The following BAZ2B variants were observed in gnomAD, a reference collection of about 807,000 sequenced individuals.
The protein encoded by BAZ2B is bromodomain adjacent to zinc finger domain protein 2B.
A neutral mutation model predicts 246.0 loss-of-function variants in BAZ2B; 91 were observed. The observed-to-expected ratio is 0.37, with a 90% confidence interval of 0.31 to 0.44. The LOEUF (loss-of-function observed/expected upper bound fraction) is 0.44, where lower values mean the gene tolerates loss of function less well. Among genes scored for constraint, BAZ2B ranks in the 20% least tolerant of loss-of-function variants. The pLI, the probability that BAZ2B is intolerant of heterozygous loss-of-function variation, is 1.00. For synonymous variants in BAZ2B, 855 were observed against 860.0 expected, an observed-to-expected ratio of 0.99 and a Z score of 0.10; for missense variants, 2,332 against 2,533.7, an observed-to-expected ratio of 0.92 and a Z score of 1.71.
At chr2:159,584,282 G>A (rs1022011314) in intron 1 of BAZ2B, among the ~76,000 whole-genome samples, 4 of 151,912 alleles carry the variant, frequency 2.6e-5, no homozygotes, top group Non-Finnish European at 4.4e-5. Flanking sequence ...CCACCACACC[G>A]GGCTAATTTT....
At position 159,404,926 on chromosome 2, in the gene BAZ2B, G is replaced by T; in HGVS notation, c.2771-16C>A. 6.2e-7 allele frequency: 1 copy of T among 1,613,166 alleles called. No homozygotes were observed. Among genetic ancestry groups the T allele is most frequent in the Non-Finnish European group, 8.5e-7 (1 of 1,179,702 alleles). On this transcript the variant is annotated splice_polypyrimidine_tract_variant and intron_variant, in intron 15 of 36. Coordinates refer to ENST00000392783, the MANE Select transcript of BAZ2B (RefSeq NM_013450.4). ...GCCATTATTGCTACAAGAAACCAAA[G>T]GATAGATATCATCAAAAAGGGAATG...
At chr2:159,540,132 C>T (rs1316597159) in intron 2 of BAZ2B, among the ~76,000 whole-genome samples, 2 of 152,182 alleles carry the variant, frequency 1.3e-5, no homozygotes, top group Non-Finnish European at 2.9e-5. Flanking sequence ...ATCTTATTGA[C>T]CACAGTAACC....
chr2:159,648,441 C>T, the BAZ2B span, among the ~76,000 whole-genome samples: 1 of 152,100 alleles, frequency 6.6e-6, no homozygotes, highest in South Asian at 2.1e-4. Flanking sequence ...TTCAGCCCCT[C>T]TTGCTCCTTT....
At chr2:159,583,653 GA>G (rs962245805) in intron 1 of BAZ2B, among the ~76,000 whole-genome samples, 1 of 150,520 alleles carries the variant, frequency 6.6e-6, no homozygotes, top group African/African-American at 2.4e-5. Flanking sequence ...TGAACAAAAA[GA>G]AAAAAAAATT....
chr2:159,621,603 C>G, the BAZ2B span, among the ~76,000 whole-genome samples: 3 of 152,008 alleles, frequency 2.0e-5, no homozygotes, highest in African/African-American at 7.3e-5. Context: ...AGAAATTGAC[C>G]CAAGTACATA....
At chr2:159,514,736 T>C (rs952565645) in intron 2 of BAZ2B, among the ~76,000 whole-genome samples, 2 of 152,176 alleles carry the variant, frequency 1.3e-5, no homozygotes, top group African/African-American at 4.8e-5. Context: ...GAAGTAATAA[T>C]GGTACCTCCA....
chr2:159,448,568 T>C (rs1293749481), intron 4 of BAZ2B, among the ~76,000 whole-genome samples, 159 bp from the exon 5 acceptor site: 1 of 152,212 alleles, frequency 6.6e-6, no homozygotes, highest in East Asian at 1.9e-4. Context: ...TTCTAAACAG[T>C]AGAACTTGTA....
chr2:159,710,321 G>A, the BAZ2B span, among the ~76,000 whole-genome samples: 2 of 150,462 alleles, frequency 1.3e-5, no homozygotes, highest in South Asian at 4.2e-4. Flanking sequence ...TGATTCTTCT[G>A]CCTCAGCCTC....
chr2:159,373,461 A>G (rs1381044399), intron 26 of BAZ2B, among the ~76,000 whole-genome samples: 2 of 152,244 alleles, frequency 1.3e-5, no homozygotes, highest in African/African-American at 4.8e-5. Context: ...ATAATAAACA[A>G]TGGGATCAAG....
At chr2:159,333,406 T>C (rs950961548) in intron 33 of BAZ2B, among the ~76,000 whole-genome samples, 1 of 152,154 alleles carries the variant, frequency 6.6e-6, no homozygotes, top group African/African-American at 2.4e-5. Flanking sequence ...CTGAAAATTT[T>C]CTAATATAAT....
intron 21 of BAZ2B, among the ~76,000 whole-genome samples, chr2:159,388,751 C>T (rs780791054): frequency 1.3e-5 from 2 of 151,990 alleles, no homozygotes; most frequent in African/African-American, 2.4e-5. Flanking sequence ...GATTATAAAT[C>T]CTCATTTATT....
At chr2:159,709,580 T>C in the BAZ2B span, among the ~76,000 whole-genome samples, 5 of 152,290 alleles carry the variant, frequency 3.3e-5, no homozygotes, top group East Asian at 9.6e-4. Flanking sequence ...TATATACAAA[T>C]ATTATGTATC....
intron 1 of BAZ2B, among the ~76,000 whole-genome samples, chr2:159,572,869 C>T (rs1684366918): frequency 6.6e-6 from 1 of 152,136 alleles, no homozygotes; most frequent in Admixed American, 6.5e-5. Flanking sequence ...AATGTACCTG[C>T]CTCTCTCTTA....
Position 159,448,370 on chromosome 2 carries a change from G to T in BAZ2B, c.374C>A (p.Thr125Lys), listed in dbSNP as rs755550639. 1.7e-5 allele frequency: 27 copies of T among 1,608,688 alleles called. No homozygotes were observed. The highest frequency in any genetic ancestry group is 2.3e-5 in the Non-Finnish European group (27 of 1,178,646). Residue 125 changes from threonine to lysine, a missense_variant, in exon 5 of 37, where the codon ACA becomes AAA. By Grantham distance (78) the Thr-to-Lys change is moderately conservative (BLOSUM62 -1). Transcript: ENST00000392783. Reference protein sequence around the residue: ...WWRTTDAHTRTGATFFPPLLG... With the variant: ...WWRTTDAHTRKGATFFPPLLG... ...TAATGGTGGAAAGAAGGTTGCTCCT[G>T]TACGAGTATGAGCATCAGTTGTTCG... is the stretch of plus-strand genomic sequence containing the variant.
chr2:159,335,876 G>A (rs1318204442), intron 33 of BAZ2B, among the ~76,000 whole-genome samples: 1 of 152,058 alleles, frequency 6.6e-6, no homozygotes, highest in Non-Finnish European at 1.5e-5. Flanking sequence ...CAAAGTAAAT[G>A]GTAGCCAGGC....
chr2:159,325,501 A>G, intron 35 of BAZ2B, 152 bp downstream of exon 35: 1 of 813,988 alleles, frequency 1.2e-6, no homozygotes, highest in Non-Finnish European at 1.8e-6. Context: ...TACATTTACT[A>G]TACTTTTACT....
chr2:159,501,418 C>T (rs1245482967), intron 2 of BAZ2B, among the ~76,000 whole-genome samples: 2 of 147,616 alleles, frequency 1.4e-5, no homozygotes, highest in Non-Finnish European at 3.0e-5. Context: ...TACACATACA[C>T]ACACACTGTG....
At chr2:159,456,943 CTA>C (rs2075847911) in intron 3 of BAZ2B, among the ~76,000 whole-genome samples, 1 of 152,232 alleles carries the variant, frequency 6.6e-6, no homozygotes, top group East Asian at 1.9e-4. Flanking sequence ...CACAATTTTA[CTA>C]TATTTTGCCT....
At chr2:159,535,750 T>G (rs139157633) in intron 2 of BAZ2B, among the ~76,000 whole-genome samples, 1 of 152,178 alleles carries the variant, frequency 6.6e-6, no homozygotes, top group African/African-American at 2.4e-5. Flanking sequence ...ATTAATATTC[T>G]CTCTTCATTA....
Sources: allele counts gnomAD v4.1 joint callset (sites outside exome capture counted in the v4.1 genomes callset), GRCh38; gene constraint gnomAD v4.1.1; transcripts MANE v1.5; gene names NCBI Gene and HGNC (gene_info 2026-07-23, HGNC 2026-07-21).